FXR1: variants seen among roughly 807,000 people sequenced by gnomAD.
The protein encoded by FXR1 is FMR1 autosomal homolog 1.
Under a neutral mutation model 84.0 loss-of-function variants are expected in FXR1, and 15 were observed. The observed-to-expected ratio is 0.18, with a 90% CI of 0.12 to 0.27. FXR1 has a LOEUF of 0.27. Ranked by LOEUF, FXR1 falls within the 10% of genes least tolerant of loss-of-function variation. The probability of loss-of-function intolerance (pLI) is 1.00; values close to 1 mark genes in which losing one functional copy is unlikely to be tolerated. For synonymous variants in FXR1, 245 were observed against 250.7 expected, an observed-to-expected ratio of 0.98 and a Z score of 0.21; for missense variants, 480 against 774.4, an observed-to-expected ratio of 0.62 and a Z score of 4.51.
chr3:180,921,613 G>A (rs999873964), intron 1 of FXR1, among the ~76,000 whole-genome samples: 1 of 152,074 alleles, frequency 6.6e-6, no homozygotes, highest in African/African-American at 2.4e-5. Flanking sequence ...AGATCTTTTA[G>A]TTGTGGTAAG....
In FXR1 at chr3:180,913,508, GGTTTT is replaced by G. The variant is rs530959107; in HGVS notation, c.51+788_51+792del. ...ATCACTGCCCCTGTTTTTGGAGGGA[GGTTTT>G]GTTTTGTTTTGTTTTTTCTCCCACG... On this transcript the variant is annotated intron_variant, in intron 1 of 16. Transcript: ENST00000357559. Among the ~76,000 whole-genome samples the G allele has an allele frequency of 3.3e-5, 5 of 152,188 alleles. No individual in the cohort carries two copies. The East Asian group carries it at 5.8e-4, about 18-fold the overall frequency.
chr3:180,948,998 T>A (rs920274331), intron 6 of FXR1, among the ~76,000 whole-genome samples, 184 bp downstream of exon 6: 6 of 152,200 alleles, frequency 3.9e-5, no homozygotes, highest in Non-Finnish European at 7.3e-5. Context: ...CATAAAATTC[T>A]TAATGTGTGA....
intron 6 of FXR1, 29 bp downstream of exon 6, chr3:180,948,843 TTATTAATGGA>T (rs757025379): frequency 1.6e-5 from 15 of 949,972 alleles, no homozygotes; most frequent in Non-Finnish European, 2.6e-5. Flanking sequence ...ATAAGGTAGC[TTATTAATGGA>T]TATTGCACAG....
intron 3 of FXR1, among the ~76,000 whole-genome samples, chr3:180,947,403 T>C (rs948336666): frequency 2.0e-5 from 3 of 152,230 alleles, no homozygotes; most frequent in Admixed American, 6.5e-5. Flanking sequence ...TGAATGTGTG[T>C]AATTTTTTTG....
intron 15 of FXR1, among the ~76,000 whole-genome samples, chr3:180,972,236 C>G (rs943027028): frequency 1.3e-5 from 2 of 152,000 alleles, no homozygotes; most frequent in African/African-American, 4.8e-5. Context: ...GGCCAGGTAG[C>G]AGGATTGCTT....
chr3:180,919,778 A>G (rs992974328), intron 1 of FXR1, among the ~76,000 whole-genome samples: 8 of 151,974 alleles, frequency 5.3e-5, no homozygotes, highest in African/African-American at 1.7e-4. Flanking sequence ...GGTTCAAGCA[A>G]TTCTCCCGTC....
Position 180,975,308 on chromosome 3 carries a change from A to G in FXR1, c.1604-5A>G. 7.8e-7 allele frequency: 1 copy of G among 1,282,290 alleles called. No homozygotes were observed. Among genetic ancestry groups the G allele is most frequent in the Non-Finnish European group, 1.1e-6 (1 of 910,650 alleles). The allele number at this position is 1,282,290 out of a possible 1,614,324, so 79.4% of individuals were successfully genotyped here. A position where few individuals can be genotyped will look rare whatever the true frequency, so the allele number is the denominator to read the frequency against. On this transcript the variant is annotated splice_polypyrimidine_tract_variant and splice_region_variant and intron_variant, in intron 15 of 16. Transcript: ENST00000357559. Reference sequence around the variant, plus strand: ...CACCTGTAATTTTTTTCTCATCTTTAACAGTCACAGTTGCAGATTATATTT... The same window carrying G: ...CACCTGTAATTTTTTTCTCATCTTTGACAGTCACAGTTGCAGATTATATTT...
At chr3:180,939,459 A>G (rs997460723) in intron 3 of FXR1, among the ~76,000 whole-genome samples, 1 of 152,202 alleles carries the variant, frequency 6.6e-6, no homozygotes, top group African/African-American at 2.4e-5. Context: ...TAAAGGATAC[A>G]AGTCAGGAAC....
At chr3:180,919,030 C>T (rs753042207) in intron 1 of FXR1, among the ~76,000 whole-genome samples, 1 of 152,130 alleles carries the variant, frequency 6.6e-6, no homozygotes, top group East Asian at 1.9e-4. Flanking sequence ...TGTTTTGCCA[C>T]ATTATTACTA....
chr3:180,936,959 AGTG>A (rs1451329504), intron 3 of FXR1, among the ~76,000 whole-genome samples: 1 of 152,192 alleles, frequency 6.6e-6, no homozygotes, highest in Non-Finnish European at 1.5e-5. Flanking sequence ...GAGGAAACAA[AGTG>A]GTGAAGTGAC....
At chr3:180,974,620 C>T (rs1052209442) in intron 15 of FXR1, among the ~76,000 whole-genome samples, 2 of 152,120 alleles carry the variant, frequency 1.3e-5, no homozygotes, top group African/African-American at 4.8e-5. Flanking sequence ...TTCAGATCGT[C>T]CCTACCAAGA....
At chr3:180,947,247 G>T (rs1051221514) in intron 3 of FXR1, among the ~76,000 whole-genome samples, 4 of 152,028 alleles carry the variant, frequency 2.6e-5, no homozygotes, top group African/African-American at 7.2e-5. Flanking sequence ...AGGGTTTACC[G>T]TGTTGGTCAG....
intron 10 of FXR1, among the ~76,000 whole-genome samples, chr3:180,958,249 T>TC (rs1711583925): frequency 6.6e-6 from 1 of 152,136 alleles, no homozygotes; most frequent in South Asian, 2.1e-4. Flanking sequence ...ATTTTTTTTT[T>TC]CAATAGTTTT....
intron 1 of FXR1, among the ~76,000 whole-genome samples, chr3:180,923,926 A>T (rs1017396376): frequency 6.6e-6 from 1 of 152,050 alleles, no homozygotes; most frequent in African/African-American, 2.4e-5. Context: ...ATGATCACCC[A>T]GATCTGGGAG....
chr3:180,915,905 A>G (rs141662576), intron 1 of FXR1, among the ~76,000 whole-genome samples: 1 of 152,328 alleles, frequency 6.6e-6, no homozygotes, highest in East Asian at 1.9e-4. Context: ...GTGGCATGCT[A>G]AATACATTGT....
chr3:180,941,665 A>G (rs1012919752), intron 3 of FXR1, among the ~76,000 whole-genome samples: 4 of 152,204 alleles, frequency 2.6e-5, no homozygotes, highest in East Asian at 1.9e-4. Flanking sequence ...ACGCTCGCAC[A>G]TAAAGGAGAG....
chr3:180,969,636 C>T (rs1041273739), intron 14 of FXR1, among the ~76,000 whole-genome samples: 2 of 152,118 alleles, frequency 1.3e-5, no homozygotes, highest in South Asian at 4.1e-4. Flanking sequence ...TGCTTCAGTT[C>T]AGTTACGGAT....
intron 3 of FXR1, among the ~76,000 whole-genome samples, chr3:180,941,839 C>T (rs990071925): frequency 2.0e-5 from 3 of 152,060 alleles, no homozygotes; most frequent in African/African-American, 7.2e-5. Flanking sequence ...CATGTTCATT[C>T]CAGATGTTAA....
Position 180,968,368 on chromosome 3 carries a change from G to A in FXR1, c.1402+114G>A, listed in dbSNP as rs1222657351. On this transcript the variant is annotated intron_variant, in intron 14 of 16. Transcript: ENST00000357559. Reference sequence around the variant, plus strand: ...TTGGAAGTTTCTCTTGCTACTCATTGTCTTAGAGAAAGTAGTGGACCATAT... The same window carrying A: ...TTGGAAGTTTCTCTTGCTACTCATTATCTTAGAGAAAGTAGTGGACCATAT... The A allele has an allele frequency of 2.7e-5, 19 of 703,760 alleles. No homozygotes were observed. In the Admixed American group the frequency reaches 3.7e-4, roughly 14 times the overall value. The allele number at this position is 703,760 out of a possible 1,614,324, so 43.6% of individuals were successfully genotyped here.
Sources: gnomAD v4.1 joint callset for allele counts (sites outside exome capture counted in the v4.1 genomes callset) on GRCh38, gnomAD v4.1.1 for gene constraint, MANE v1.5 for transcripts, NCBI Gene and HGNC (gene_info 2026-07-23, HGNC 2026-07-21) for gene names.